Variants in HELZ observed in about 807,000 individuals in gnomAD.
The protein encoded by HELZ is helicase with zinc finger.
In HELZ, 23 loss-of-function variants were observed where a neutral mutation model predicts 218.2. The observed-to-expected ratio is 0.11, with a 90% CI of 0.08 to 0.15. The LOEUF (loss-of-function observed/expected upper bound fraction) is 0.15, where lower values mean the gene tolerates loss of function less well. HELZ is among the 10% of genes least tolerant of loss of function. The pLI, the probability that HELZ is intolerant of heterozygous loss-of-function variation, is 1.00. For missense variants in HELZ, 1,813 were observed against 2,353.7 expected, an observed-to-expected ratio of 0.77 and a Z score of 4.75; for synonymous variants, 814 against 829.4, an observed-to-expected ratio of 0.98 and a Z score of 0.32.
chr17:67,130,195 A>G (rs2143897955), intron 23 of HELZ, among the ~76,000 whole-genome samples: 1 of 152,102 alleles, frequency 6.6e-6, no homozygotes, highest in East Asian at 1.9e-4. Context: ...GGGGTGGGAG[A>G]GGGGTAAGGA....
chr17:67,217,081 G>A (rs113776490), intron 4 of HELZ, among the ~76,000 whole-genome samples: 1,964 of 152,074 alleles, frequency 0.013, 15 homozygotes, highest in Non-Finnish European at 0.018. Flanking sequence ...AATTCCATAC[G>A]TGCATATCTG....
intron 5 of HELZ, among the ~76,000 whole-genome samples, chr17:67,205,885 C>T (rs1244140916): frequency 3.3e-5 from 5 of 152,198 alleles, no homozygotes; most frequent in Non-Finnish European, 7.3e-5. Flanking sequence ...ATACTTTCTT[C>T]CTGTTCCCCT....
intron 7 of HELZ, chr17:67,200,903 A>T: frequency 2.0e-6 from 1 of 511,988 alleles, no homozygotes. Context: ...CACTAGGGAC[A>T]GAAGATAAGC....
Position 67,151,119 on chromosome 17 carries a change from A to G in HELZ, c.2283T>C (p.Asp761=). The change falls in exon 18 of 33, where the codon GAT becomes GAC. Residue 761 remains aspartate (D), a synonymous_variant. Coordinates refer to ENST00000358691, the MANE Select transcript of HELZ (RefSeq NM_014877.4). ...HSTFQMPQKE[D]ILKHRVVVVT... ...CAACCACCACTCGATGTTTAAGAAT[A>G]TCTTCTTTCTGGGGCATCTGAAAGG... is the stretch of plus-strand genomic sequence containing the variant. The G allele has an allele frequency of 6.8e-6, 11 of 1,614,010 alleles. No individual in the cohort carries two copies. Among genetic ancestry groups the G allele is most frequent in the Admixed American group, 1.7e-5 (1 of 60,014 alleles).
intron 12 of HELZ, among the ~76,000 whole-genome samples, chr17:67,186,203 T>C (rs1362054997): frequency 1.3e-5 from 2 of 152,138 alleles, no homozygotes; most frequent in African/African-American, 4.8e-5. Flanking sequence ...TTTCTTCCTT[T>C]TGTGTATAAG....
intron 12 of HELZ, among the ~76,000 whole-genome samples, chr17:67,182,933 A>T (rs1481141952): frequency 6.6e-6 from 1 of 152,222 alleles, no homozygotes; most frequent in Non-Finnish European, 1.5e-5. Context: ...GTAGATAAGA[A>T]GAAAATAAGC....
chr17:67,107,412 A>G lies in HELZ; in HGVS notation c.4998T>C (p.Ser1666=). 6.2e-7 allele frequency: 1 copy of G among 1,614,258 alleles called. No individual in the cohort carries two copies. The highest frequency in any genetic ancestry group is 8.5e-7 in the Non-Finnish European group (1 of 1,180,038). ...QIFNSPFSLP[S]EHLAPPPLKY... is the part of the protein sequence containing the mutation. Reference sequence around the variant, plus strand: ...TCAAGGGAGGAGGGGCAAGGTGTTCAGATGGCAACGAGAAAGGTGAGTTGA... The same window carrying G: ...TCAAGGGAGGAGGGGCAAGGTGTTCGGATGGCAACGAGAAAGGTGAGTTGA... Residue 1666 remains serine, a synonymous_variant, in exon 31 of 33, where the codon TCT becomes TCC. Transcript: ENST00000358691.
chr17:67,128,564 A>T, intron 24 of HELZ, 87 bp downstream of exon 24: 1 of 1,179,272 alleles, frequency 8.5e-7, no homozygotes, highest in Non-Finnish European at 1.3e-6. Flanking sequence ...TCCAACACTT[A>T]AAGTAACTTG....
At chr17:67,200,076 G>A (rs1236888890) in intron 7 of HELZ, among the ~76,000 whole-genome samples, 2 of 152,116 alleles carry the variant, frequency 1.3e-5, no homozygotes, top group African/African-American at 4.8e-5. Flanking sequence ...CAAGAACCAT[G>A]TTCAGTGCTG....
intron 3 of HELZ, among the ~76,000 whole-genome samples, chr17:67,236,318 G>T (rs2041184419): frequency 6.6e-6 from 1 of 152,122 alleles, no homozygotes; most frequent in Non-Finnish European, 1.5e-5. Flanking sequence ...CCATATATCT[G>T]TTAGGAGCAC....
At chr17:67,144,131 A>G (rs2143998014) in intron 21 of HELZ, among the ~76,000 whole-genome samples, 1 of 152,280 alleles carries the variant, frequency 6.6e-6, no homozygotes, top group East Asian at 1.9e-4. Context: ...CCTTTAAATT[A>G]CATACCATCA....
intron 31 of HELZ, among the ~76,000 whole-genome samples, chr17:67,092,231 A>T (rs1425866002): frequency 6.6e-6 from 1 of 152,218 alleles, no homozygotes; most frequent in African/African-American, 2.4e-5. Flanking sequence ...TAGATATACA[A>T]CAATCAAGAC....
At chr17:67,114,294 C>G in intron 28 of HELZ, 30 bp downstream of exon 28, 1 of 1,454,462 alleles carries the variant, frequency 6.9e-7, no homozygotes, top group African/African-American at 1.4e-5. Context: ...ACTAAATCCA[C>G]TAGGACAACA....
chr17:67,096,873 T>C (rs899500114), intron 31 of HELZ, among the ~76,000 whole-genome samples: 2 of 152,252 alleles, frequency 1.3e-5, no homozygotes, highest in Non-Finnish European at 2.9e-5. Context: ...CACTTTTAAT[T>C]TCCTTCAAGA....
At chr17:67,240,478 AAAT>A (rs1391559251) in intron 2 of HELZ, among the ~76,000 whole-genome samples, 6 of 152,208 alleles carry the variant, frequency 3.9e-5, no homozygotes, top group African/African-American at 1.4e-4. Context: ...GCATAAAAGT[AAAT>A]AATTTTTTAA....
intron 3 of HELZ, among the ~76,000 whole-genome samples, chr17:67,226,961 A>T (rs1393749251): frequency 6.6e-6 from 1 of 152,294 alleles, no homozygotes; most frequent in East Asian, 1.9e-4. Context: ...GAAGAACAAG[A>T]TCAGTGGTTG....
chr17:67,089,314 T>C (rs1454804958), intron 31 of HELZ, among the ~76,000 whole-genome samples: 9 of 152,018 alleles, frequency 5.9e-5, no homozygotes, highest in African/African-American at 2.2e-4. Flanking sequence ...AATAGACATA[T>C]GAACCAGAAA....
At chr17:67,124,045 T>C in intron 24 of HELZ, 31 bp from the exon 25 acceptor site, 1 of 1,378,094 alleles carries the variant, frequency 7.3e-7, no homozygotes, top group Non-Finnish European at 1.0e-6. Flanking sequence ...GTATAATAAT[T>C]TAAGCATGTT....
intron 17 of HELZ, among the ~76,000 whole-genome samples, chr17:67,155,220 T>C (rs1567847741): frequency 6.6e-6 from 1 of 151,968 alleles, no homozygotes; most frequent in Non-Finnish European, 1.5e-5. Context: ...GGATCTAATA[T>C]AGGAGAGAAG....
Sources: gnomAD v4.1 joint callset for allele counts (sites outside exome capture counted in the v4.1 genomes callset) on GRCh38, gnomAD v4.1.1 for gene constraint, MANE v1.5 for transcripts, NCBI Gene and HGNC (gene_info 2026-07-23, HGNC 2026-07-21) for gene names.